CKM: variants seen among roughly 807,000 people sequenced by gnomAD.
CKM encodes creatine kinase, M-type.
Under a neutral mutation model 35.4 loss-of-function variants are expected in CKM, and 28 were observed. That is an observed-to-expected ratio of 0.79 (90% confidence interval 0.59 to 1.08). The LOEUF is 1.08. Ranked by LOEUF, CKM falls within the 50% of genes least tolerant of loss-of-function variation. The pLI, the probability that CKM is intolerant of heterozygous loss-of-function variation, is 0.00. For missense variants in CKM, 484 were observed against 509.8 expected (o/e 0.95, Z 0.49); for synonymous variants, 215 against 204.4 (o/e 1.05, Z -0.44).
chr19:45,316,277 C>A (rs1351549257), intron 3 of CKM, among the ~76,000 whole-genome samples: 3 of 149,076 alleles, frequency 2.0e-5, no homozygotes, highest in Non-Finnish European at 4.4e-5. Context: ...TTTCCGTGAG[C>A]TGAGATCGAG....
chr19:45,308,578 G>C, intron 5 of CKM, 46 bp from the exon 6 acceptor site: 1 of 1,613,462 alleles, frequency 6.2e-7, no homozygotes. Context: ...CAGCCCCGTG[G>C]GAACCCCATT....
chr19:45,308,123 A>C (rs1366659675), intron 6 of CKM, among the ~76,000 whole-genome samples: 1 of 151,582 alleles, frequency 6.6e-6, no homozygotes, highest in East Asian at 1.9e-4. Context: ...AGCCTCCCAA[A>C]GTGCTGGGAT....
Position 45,306,549 on chromosome 19 carries a change from A to G in CKM, c.*201T>C, listed in dbSNP as rs1971053097. The stretch of plus-strand genomic sequence containing the variant: ...AAAAGAAGAGGACCCTGCCAGGGAG[A>G]TATTTCATTGGCCAGAATCCAGAGG... On this transcript the variant is annotated 3_prime_UTR_variant, in exon 8 of 8. Transcript: ENST00000221476. The surrounding 1 kb of genome is among the most constrained non-coding windows in gnomAD (Gnocchi z 4.5). 1 of 611,232 alleles carries G rather than the reference A, an allele frequency of 1.6e-6. No homozygotes were observed. The highest frequency in any genetic ancestry group is 2.9e-5 in the Admixed American group (1 of 34,590). The allele number at this position is 611,232 out of a possible 1,614,324, so 37.9% of individuals were successfully genotyped here.
At chr19:45,321,509 G>C (rs1378169695) in intron 1 of CKM, among the ~76,000 whole-genome samples, 1 of 152,136 alleles carries the variant, frequency 6.6e-6, no homozygotes, top group African/African-American at 2.4e-5. Flanking sequence ...TGTGAACTGA[G>C]CCTGCCCCGT....
At chr19:45,314,395 C>T (rs1434373612) in intron 4 of CKM, among the ~76,000 whole-genome samples, 3 of 151,934 alleles carry the variant, frequency 2.0e-5, no homozygotes, top group African/African-American at 7.3e-5. Context: ...GTGCACTTAA[C>T]AGACTACAGT....
intron 5 of CKM, among the ~76,000 whole-genome samples, chr19:45,310,355 C>T (rs1300276193): frequency 6.6e-6 from 1 of 151,478 alleles, no homozygotes; most frequent in Non-Finnish European, 1.5e-5. Context: ...CTCCTGACCT[C>T]GTGATCCGCC....
At chr19:45,317,279 T>A (rs995093868) in intron 3 of CKM, among the ~76,000 whole-genome samples, 1 of 150,514 alleles carries the variant, frequency 6.6e-6, no homozygotes. Context: ...AGCTAATTTA[T>A]TTTATTTATT....
At chr19:45,319,429 C>CA in intron 2 of CKM, 92 bp downstream of exon 2, 1 of 993,886 alleles carries the variant, frequency 1.0e-6, no homozygotes, top group South Asian at 1.3e-5. Context: ...AACTGAGGCC[C>CA]CCCCCCCTTC....
At position 45,311,930 on chromosome 19, in the gene CKM, C is replaced by G; in HGVS notation, c.482-10G>C. ...GTCAGGCTGTTGAGAGCTATGGGGA[C>G]ACACGAGGGAGTGGTCAGCAGCCTG... On this transcript the variant is annotated splice_polypyrimidine_tract_variant and intron_variant, in intron 4 of 7. Coordinates refer to ENST00000221476, the MANE Select transcript of CKM (RefSeq NM_001824.5). 1 of 1,613,658 alleles carries G rather than the reference C, an allele frequency of 6.2e-7. No homozygotes were observed. Among genetic ancestry groups the G allele is most frequent in the Non-Finnish European group, 8.5e-7 (1 of 1,179,894 alleles).
intron 5 of CKM, among the ~76,000 whole-genome samples, chr19:45,310,327 A>G (rs369930098): frequency 5.9e-4 from 90 of 151,926 alleles, no homozygotes; most frequent in East Asian, 4.1e-3. Context: ...TCACCATGTT[A>G]GCCAGGATGG....
rs1971055123 is a variant in CKM at position 45,306,743 on chromosome 19, C to T, written c.*7G>A. The stretch of plus-strand genomic sequence containing the variant: ...GTTCCAGCAGTCGGTGGCAGGTGGG[C>T]AGGCGCCTACTTCTGGGCGGGGATC... On this transcript the variant is annotated 3_prime_UTR_variant, in exon 8 of 8. Coordinates refer to ENST00000221476, the MANE Select transcript of CKM (RefSeq NM_001824.5). This position sits in a 1 kb window ranked among gnomAD's most constrained non-coding sequence, Gnocchi z 4.5. 6.2e-7 allele frequency: 1 copy of T among 1,613,958 alleles called. No individual in the cohort carries two copies. Among genetic ancestry groups the T allele is most frequent in the African/African-American group, 1.3e-5 (1 of 75,040 alleles).
intron 3 of CKM, among the ~76,000 whole-genome samples, chr19:45,316,596 G>C (rs1488064094): frequency 6.6e-6 from 1 of 151,800 alleles, no homozygotes; most frequent in Non-Finnish European, 1.5e-5. Context: ...GGGATTACAG[G>C]TATAGCCACT....
rs1250575319 is a variant in CKM at position 45,308,496 on chromosome 19, G to C, written c.690C>G (p.Asn230Lys). Residue 230 changes from asparagine (N) to lysine (K), a missense_variant, in exon 6 of 8, where the codon AAC becomes AAG. Transcript: ENST00000221476. The part of the protein sequence containing the change: ...NDNKSFLVWV[N>K]EEDHLRVISM... ...AGATGACCCGGAGGTGATCCTCCTC[G>C]TTCACCCACACCAGGAAGCTCTTGT... The C allele has an allele frequency of 1.2e-6, 2 of 1,613,924 alleles. No homozygotes were observed. Among genetic ancestry groups the C allele is most frequent in the Non-Finnish European group, 1.7e-6 (2 of 1,180,008 alleles).
intron 4 of CKM, among the ~76,000 whole-genome samples, chr19:45,312,714 G>A (rs1265055188): frequency 6.6e-6 from 1 of 151,992 alleles, no homozygotes; most frequent in Non-Finnish European, 1.5e-5. Flanking sequence ...AGCACTTTGG[G>A]AGGCCAAGGC....
intron 5 of CKM, among the ~76,000 whole-genome samples, chr19:45,309,279 G>C (rs1169028302): frequency 6.0e-5 from 9 of 151,134 alleles, no homozygotes; most frequent in African/African-American, 1.9e-4. Flanking sequence ...AAATGGCCGG[G>C]TGTGGTGGCT....
At chr19:45,313,208 C>T (rs193123984) in intron 4 of CKM, among the ~76,000 whole-genome samples, 2 of 152,272 alleles carry the variant, frequency 1.3e-5, no homozygotes, top group East Asian at 3.9e-4. Flanking sequence ...GCATGTGCCA[C>T]TTCGTGTCTC....
rs1251373490 is a variant in CKM, at chr19:45,310,938, T to A, written c.653+811A>T. Among the ~76,000 whole-genome samples the A allele has an allele frequency of 6.4e-3, 102 of 16,052 alleles. 1 individual carries two copies. The African/African-American group carries it at 0.074, about 12-fold the overall frequency. 10.5% of individuals were successfully genotyped at this position (16,052 alleles called of 152,430 possible). A position where few individuals can be genotyped will look rare whatever the true frequency, so the allele number is the denominator to read the frequency against. On this transcript the variant is annotated intron_variant, in intron 5 of 7. Coordinates refer to ENST00000221476, the MANE Select transcript of CKM (RefSeq NM_001824.5). ...GGCGCCTGCCACGACGCCGGGCTAATTTTTTTTTTTTTTTTGTAGTTTTAG... is the reference window on the plus strand; with the variant it reads ...GGCGCCTGCCACGACGCCGGGCTAAATTTTTTTTTTTTTTTGTAGTTTTAG...
rs191206227 is a variant in CKM at position 45,307,759 on chromosome 19, G to A, written c.778-109C>T. Reference sequence around the variant, plus strand: ...AGGGCGTGGGAACGTGGTGGAGGTGGGATTCTGAGGGGAACAGGGAGGTAG... The same window carrying A: ...AGGGCGTGGGAACGTGGTGGAGGTGAGATTCTGAGGGGAACAGGGAGGTAG... On this transcript the variant is annotated intron_variant, in intron 6 of 7. Transcript: ENST00000221476. 80 of 826,506 alleles carry A rather than the reference G, an allele frequency of 9.7e-5. No homozygotes were observed. In the East Asian group the frequency reaches 1.8e-3, roughly 19 times the overall value. The allele number at this position is 826,506 out of a possible 1,614,324, so 51.2% of individuals were successfully genotyped here.
intron 1 of CKM, among the ~76,000 whole-genome samples, chr19:45,322,222 C>A (rs10410448): frequency 1.1e-4 from 17 of 150,946 alleles, no homozygotes; most frequent in South Asian, 6.4e-4. Context: ...TGACCCCCCC[C>A]ACAAGAGACA....
Sources: gnomAD v4.1 joint callset for allele counts (sites outside exome capture counted in the v4.1 genomes callset) on GRCh38, gnomAD v4.1.1 for gene constraint, Gnocchi (gnomAD v3.1) non-coding constraint, MANE v1.5 for transcripts, NCBI Gene and HGNC (gene_info 2026-07-23, HGNC 2026-07-21) for gene names.